The following LRMDA variants were observed in gnomAD, a reference collection of about 807,000 sequenced individuals.
The protein encoded by LRMDA is leucine rich melanocyte differentiation associated, also known as leucine-rich melanocyte differentiation-associated protein.
In LRMDA, 18 loss-of-function variants were observed where a neutral mutation model predicts 29.8. The observed-to-expected ratio is 0.60, with a 90% CI of 0.42 to 0.90. LRMDA has a LOEUF of 0.90. Among genes scored for constraint, LRMDA ranks in the 40% least tolerant of loss-of-function variants. LRMDA has a pLI of 0.00. For missense variants in LRMDA, 273 were observed against 273.9 expected, an observed-to-expected ratio of 1.00 and a Z score of 0.02; for synonymous variants, 125 against 109.4, an observed-to-expected ratio of 1.14 and a Z score of -0.89.
rs570495136 is a variant in LRMDA at position 76,515,467 on chromosome 10, T to A, written c.602-41742T>A. Among the ~76,000 whole-genome samples, 93 of 152,256 alleles carry A rather than the reference T, an allele frequency of 6.1e-4. 2 individuals carry two copies. Among genetic ancestry groups the A allele is most frequent in the Admixed American group, 5.0e-3 (76 of 15,276 alleles). On this transcript the variant is annotated intron_variant, in intron 6 of 6. Transcript: ENST00000611255. ...GCCATTAAAAAATAATGAATGTATA[T>A]TAGAAAGTATGGTAGATTAGACACT...
chr10:76,344,324 T>C (rs1280200068), intron 6 of LRMDA, among the ~76,000 whole-genome samples: 1 of 151,944 alleles, frequency 6.6e-6, no homozygotes, highest in Non-Finnish European at 1.5e-5. Context: ...TAATCAAACA[T>C]TAACAAAAAT....
rs74520076 is a variant in LRMDA, at chr10:75,602,727, T to G, written c.131+164233T>G. 2.9e-3 allele frequency among the ~76,000 whole-genome samples: 446 copies of G among 152,340 alleles called. 4 individuals carry two copies. Among genetic ancestry groups the G allele is most frequent in the African/African-American group, 0.01 (420 of 41,580 alleles). On this transcript the variant is annotated intron_variant, in intron 2 of 6. Transcript: ENST00000611255. ...AGATGCACAAAGTAATTTGTGTCTTTGAAACAATGGAAATTTTTGAAGTGT... is the reference window on the plus strand; with the variant it reads ...AGATGCACAAAGTAATTTGTGTCTTGGAAACAATGGAAATTTTTGAAGTGT...
intron 2 of LRMDA, among the ~76,000 whole-genome samples, chr10:75,677,868 C>T (rs934004802): frequency 6.6e-6 from 1 of 151,964 alleles, no homozygotes; most frequent in South Asian, 2.1e-4. Context: ...AGTTTATATG[C>T]GATTAAGGTG....
At chr10:75,548,437 A>C (rs1840104434) in intron 2 of LRMDA, among the ~76,000 whole-genome samples, 1 of 152,106 alleles carries the variant, frequency 6.6e-6, no homozygotes, top group Non-Finnish European at 1.5e-5. Context: ...AACAGTGAGG[A>C]ACTCTAATTT....
chr10:76,142,507 T>G (rs112125747), intron 5 of LRMDA, among the ~76,000 whole-genome samples: 1,498 of 99,500 alleles, frequency 0.015, 28 homozygotes, highest in African/African-American at 0.057. Flanking sequence ...AAAACAAAGC[T>G]TGTCACGCTT....
At chr10:75,712,802 ACCCCCAGC>A (rs961354586) in intron 2 of LRMDA, among the ~76,000 whole-genome samples, 2 of 109,968 alleles carry the variant, frequency 1.8e-5, no homozygotes, top group African/African-American at 6.9e-5. Flanking sequence ...GCGTCCCCCC[ACCCCCAGC>A]CCCCCAACTA....
At chr10:75,636,549 AT>A (rs1025332525) in intron 2 of LRMDA, among the ~76,000 whole-genome samples, 158 of 151,938 alleles carry the variant, frequency 1.0e-3, no homozygotes, top group African/African-American at 3.1e-3. Flanking sequence ...GCCTTTTTTC[AT>A]TTTTTTTCAT....
In LRMDA at chr10:76,144,175, G is replaced by A. The variant is rs947120782; in HGVS notation, c.516+85392G>A. ...GCTTAGGATTGACTTGGCGATGCGG[G>A]CTCTTTTTTGGTTCCATATGAACTT... On this transcript the variant is annotated intron_variant, in intron 5 of 6. Transcript: ENST00000611255. Among the ~76,000 whole-genome samples the A allele has an allele frequency of 6.6e-5, 10 of 152,292 alleles. 2 individuals are homozygous for A. The South Asian group carries it at 1.9e-3, about 28-fold the overall frequency.
At chr10:76,495,011 T>C (rs370920269) in intron 6 of LRMDA, among the ~76,000 whole-genome samples, 2 of 152,038 alleles carry the variant, frequency 1.3e-5, no homozygotes, top group East Asian at 1.9e-4. Context: ...AAAATTTTCC[T>C]GAGCTCTAGT....
At chr10:75,644,131 C>T (rs1337176919) in intron 2 of LRMDA, among the ~76,000 whole-genome samples, 1 of 152,192 alleles carries the variant, frequency 6.6e-6, no homozygotes. Flanking sequence ...TGTAGCTTCC[C>T]TCTTATCCCA....
At chr10:76,286,066 G>A (rs1840267667) in intron 5 of LRMDA, among the ~76,000 whole-genome samples, 2 of 152,158 alleles carry the variant, frequency 1.3e-5, no homozygotes, top group Admixed American at 6.6e-5. Context: ...GTGTACAGCA[G>A]GTCACTCTGG....
intron 5 of LRMDA, among the ~76,000 whole-genome samples, chr10:76,280,906 G>A (rs1347344988): frequency 6.6e-6 from 1 of 152,116 alleles, no homozygotes; most frequent in Non-Finnish European, 1.5e-5. Context: ...AAGGGCACAA[G>A]CAACCATTGT....
chr10:75,510,799 G>A (rs1404307131), intron 2 of LRMDA, among the ~76,000 whole-genome samples: 2 of 152,130 alleles, frequency 1.3e-5, no homozygotes, highest in Non-Finnish European at 2.9e-5. Flanking sequence ...AGATGAGCAA[G>A]CCCAGGGAGG....
chr10:76,090,834 G>T (rs1268252838), intron 5 of LRMDA, among the ~76,000 whole-genome samples: 1 of 152,290 alleles, frequency 6.6e-6, no homozygotes, highest in African/African-American at 2.4e-5. Context: ...GGGTCGTGAG[G>T]GGCTGGGAAG....
chr10:76,401,353 C>G (rs1173104219), intron 6 of LRMDA, among the ~76,000 whole-genome samples: 2 of 152,152 alleles, frequency 1.3e-5, no homozygotes, highest in Non-Finnish European at 2.9e-5. Flanking sequence ...TACCGCATAC[C>G]TGGCATTGTC....
rs558848006 is a variant in LRMDA at position 75,498,829 on chromosome 10, G to A, written c.131+60335G>A. ...TATAAAGGGGAGGGGAGGATGGGGTGAGTTGGCAAAGTATTAGCAGGGGTT... is the reference window on the plus strand; with the variant it reads ...TATAAAGGGGAGGGGAGGATGGGGTAAGTTGGCAAAGTATTAGCAGGGGTT... On this transcript the variant is annotated intron_variant, in intron 2 of 6. Transcript: ENST00000611255. 4.6e-5 allele frequency among the ~76,000 whole-genome samples: 7 copies of A among 152,258 alleles called. 1 individual carries two copies. The highest frequency in any genetic ancestry group is 9.6e-5 in the African/African-American group (4 of 41,548).
At chr10:76,029,849 G>T (rs1442250675) in intron 2 of LRMDA, among the ~76,000 whole-genome samples, 1 of 152,162 alleles carries the variant, frequency 6.6e-6, no homozygotes, top group Non-Finnish European at 1.5e-5. Context: ...TCTCAATAGA[G>T]CTTTGGGGTT....
intron 2 of LRMDA, among the ~76,000 whole-genome samples, chr10:75,871,844 G>T (rs957988849): frequency 3.3e-5 from 5 of 152,098 alleles, no homozygotes; most frequent in Admixed American, 2.6e-4. Context: ...ATCAAACCAG[G>T]TTCCTTAAGG....
At chr10:76,365,619 G>A (rs912801064) in intron 6 of LRMDA, among the ~76,000 whole-genome samples, 2 of 152,202 alleles carry the variant, frequency 1.3e-5, no homozygotes, top group Admixed American at 6.5e-5. Flanking sequence ...TGATTTGTTT[G>A]AGTTCGTTGT....
Sources: allele counts gnomAD v4.1 joint callset (sites outside exome capture counted in the v4.1 genomes callset), GRCh38; gene constraint gnomAD v4.1.1; transcripts MANE v1.5; gene names NCBI Gene and HGNC (gene_info 2026-07-23, HGNC 2026-07-21).